NRG3: variants seen among roughly 807,000 people sequenced by gnomAD.
NRG3 encodes neuregulin 3.
Under a neutral mutation model 66.9 loss-of-function variants are expected in NRG3, and 31 were observed. That is an observed-to-expected ratio of 0.46 (90% CI 0.35 to 0.63). The LOEUF (loss-of-function observed/expected upper bound fraction) is 0.63. Among genes scored for constraint, NRG3 ranks in the 20% least tolerant of loss-of-function variants. The pLI, the probability that NRG3 is intolerant of heterozygous loss-of-function variation, is 0.00. For missense variants in NRG3, 910 were observed against 878.9 expected, an observed-to-expected ratio of 1.04 and a Z score of -0.45; for synonymous variants, 393 against 359.4, an observed-to-expected ratio of 1.09 and a Z score of -1.06.
rs144176090 is a variant in NRG3, at chr10:81,935,737, G to T, written c.823+59574G>T. Reference sequence around the variant, plus strand: ...CACAGTATTCATATCCCTGCTTCAGGACCACCTCCTCTGAGGAGCCTTCCT... The same window carrying T: ...CACAGTATTCATATCCCTGCTTCAGTACCACCTCCTCTGAGGAGCCTTCCT... On this transcript the variant is annotated intron_variant, in intron 1 of 8. Coordinates refer to ENST00000372141, the MANE Select transcript of NRG3 (RefSeq NM_001010848.4). 4.4e-3 allele frequency among the ~76,000 whole-genome samples: 663 copies of T among 152,150 alleles called. 6 individuals carry two copies. The highest frequency in any genetic ancestry group is 7.2e-3 in the Non-Finnish European group (492 of 68,002).
chr10:82,354,210 T>TATA (rs1485138766), intron 1 of NRG3, among the ~76,000 whole-genome samples: 10 of 140,996 alleles, frequency 7.1e-5, no homozygotes. Flanking sequence ...AATTTATTAT[T>TATA]ATTATTATTT....
chr10:82,433,023 G>A (rs951896422), intron 2 of NRG3, among the ~76,000 whole-genome samples: 10 of 152,022 alleles, frequency 6.6e-5, no homozygotes, highest in Admixed American at 3.3e-4. Context: ...GTTCTAGATC[G>A]TTGAGGAATC....
intron 4 of NRG3, among the ~76,000 whole-genome samples, chr10:82,888,662 CT>C (rs1247790314): frequency 2.6e-5 from 4 of 151,964 alleles, no homozygotes; most frequent in Non-Finnish European, 5.9e-5. Context: ...GATTTCTGCC[CT>C]TGTGGAGCTA....
At chr10:82,105,897 G>A (rs1006953649) in intron 1 of NRG3, among the ~76,000 whole-genome samples, 3 of 152,042 alleles carry the variant, frequency 2.0e-5, no homozygotes, top group Non-Finnish European at 2.9e-5. Context: ...CACACTGCTC[G>A]GTATGCAAAG....
At chr10:82,349,377 GGGGGTCA>G (rs1246735192) in intron 1 of NRG3, among the ~76,000 whole-genome samples, 8 of 151,546 alleles carry the variant, frequency 5.3e-5, no homozygotes, top group Non-Finnish European at 8.8e-5. Flanking sequence ...TAGGCTGCTC[GGGGGTCA>G]GGGGTCAGGG....
intron 1 of NRG3, among the ~76,000 whole-genome samples, chr10:81,907,728 A>G (rs917085581): frequency 3.3e-5 from 5 of 152,168 alleles, no homozygotes; most frequent in African/African-American, 9.6e-5. Context: ...ACAGAATTAT[A>G]TTTAGCTCTG....
At chr10:82,493,198 G>A (rs1843310041) in intron 2 of NRG3, among the ~76,000 whole-genome samples, 1 of 151,976 alleles carries the variant, frequency 6.6e-6, no homozygotes, top group Non-Finnish European at 1.5e-5. Context: ...GTGTGCCATG[G>A]TGGTTTGCTG....
chr10:82,380,512 A>G (rs1246524609), intron 2 of NRG3, among the ~76,000 whole-genome samples: 1 of 152,170 alleles, frequency 6.6e-6, no homozygotes, highest in Admixed American at 6.5e-5. Context: ...AGAAATACCC[A>G]TGGATTTAGC....
intron 1 of NRG3, among the ~76,000 whole-genome samples, chr10:82,320,704 A>G (rs1404966930): frequency 6.6e-6 from 1 of 152,130 alleles, no homozygotes; most frequent in African/African-American, 2.4e-5. Flanking sequence ...TCCCTGTGAT[A>G]TGGACAACAC....
At chr10:82,563,642 A>G (rs940827842) in intron 2 of NRG3, among the ~76,000 whole-genome samples, 3 of 152,028 alleles carry the variant, frequency 2.0e-5, no homozygotes, top group Admixed American at 6.6e-5. Context: ...ATATCAAAAC[A>G]TCACATATTT....
intron 1 of NRG3, among the ~76,000 whole-genome samples, chr10:82,158,105 G>A (rs1317701677): frequency 1.3e-5 from 2 of 151,596 alleles, no homozygotes; most frequent in African/African-American, 4.8e-5. Flanking sequence ...ATAGAAAGGG[G>A]ATATTTTGTT....
intron 3 of NRG3, among the ~76,000 whole-genome samples, chr10:82,844,773 G>T (rs545476893): frequency 6.7e-6 from 1 of 150,330 alleles, no homozygotes; most frequent in East Asian, 2.0e-4. Context: ...TTTCCTCAAA[G>T]GAACAACAAA....
intron 1 of NRG3, among the ~76,000 whole-genome samples, chr10:82,088,831 A>G (rs2065871021): frequency 6.6e-6 from 1 of 152,082 alleles, no homozygotes; most frequent in Non-Finnish European, 1.5e-5. Flanking sequence ...TTAGTCATAA[A>G]CAAAATTTAC....
intron 1 of NRG3, among the ~76,000 whole-genome samples, chr10:81,968,425 C>T (rs540351090): frequency 3.3e-5 from 5 of 152,246 alleles, no homozygotes; most frequent in African/African-American, 4.8e-5. Context: ...CTACTTGCCA[C>T]GCAAGTTGAA....
chr10:82,835,561 T>C (rs1376556546), intron 3 of NRG3, among the ~76,000 whole-genome samples: 1 of 152,132 alleles, frequency 6.6e-6, no homozygotes, highest in East Asian at 1.9e-4. Flanking sequence ...ATCACAGATC[T>C]ACAATGATCT....
intron 2 of NRG3, among the ~76,000 whole-genome samples, chr10:82,703,293 A>G (rs2056040356): frequency 6.6e-6 from 1 of 152,184 alleles, no homozygotes; most frequent in Admixed American, 6.6e-5. Context: ...GACCTTCACC[A>G]TATATATTGG....
intron 1 of NRG3, among the ~76,000 whole-genome samples, chr10:81,914,112 T>G (rs1191992940): frequency 6.6e-6 from 1 of 152,180 alleles, no homozygotes; most frequent in Non-Finnish European, 1.5e-5. Flanking sequence ...CAGTAATTAT[T>G]GACGTATTCC....
At chr10:82,099,000 C>T (rs145635249) in intron 1 of NRG3, among the ~76,000 whole-genome samples, 2,025 of 152,244 alleles carry the variant, frequency 0.013, 42 homozygotes, top group African/African-American at 0.046. Context: ...CTCCTGACCT[C>T]GTGATCTGCC....
At chr10:82,941,187 T>C (rs1261874693) in intron 4 of NRG3, among the ~76,000 whole-genome samples, 2 of 152,056 alleles carry the variant, frequency 1.3e-5, no homozygotes, top group Admixed American at 6.5e-5. Flanking sequence ...TGGTTCTGTC[T>C]TCCTGATATT....
Sources: allele counts gnomAD v4.1 joint callset (sites outside exome capture counted in the v4.1 genomes callset), GRCh38; gene constraint gnomAD v4.1.1; transcripts MANE v1.5; gene names NCBI Gene and HGNC (gene_info 2026-07-23, HGNC 2026-07-21).